OPCML: variants seen among roughly 807,000 people sequenced by gnomAD.
OPCML encodes opioid binding protein/cell adhesion molecule like.
In OPCML, 13 loss-of-function variants were observed where a neutral mutation model predicts 37.8. The ratio of observed to expected loss-of-function variants is 0.34; its 90% CI spans 0.22 to 0.55. The LOEUF (loss-of-function observed/expected upper bound fraction) is 0.55. Ranked by LOEUF, OPCML falls within the 20% of genes least tolerant of loss-of-function variation. OPCML has a pLI of 0.91. For synonymous variants in OPCML, 176 were observed against 168.8 expected (o/e 1.04, Z -0.33); for missense variants, 341 against 435.6 (o/e 0.78, Z 1.93).
intron 2 of OPCML, among the ~76,000 whole-genome samples, chr11:132,715,894 A>C (rs1452627051): frequency 6.6e-6 from 1 of 152,230 alleles, no homozygotes; most frequent in Admixed American, 6.5e-5. Context: ...AGGTAGAAGC[A>C]TGTGAAGTGG....
intron 1 of OPCML, among the ~76,000 whole-genome samples, chr11:133,488,650 A>C (rs950519591): frequency 6.6e-6 from 1 of 152,218 alleles, no homozygotes; most frequent in Non-Finnish European, 1.5e-5. Flanking sequence ...ATTACTGACC[A>C]AAGCAATCTA....
At position 132,420,272 on chromosome 11, in the gene OPCML, C is replaced by A; in HGVS notation, c.938G>T (p.Gly313Val). 2.5e-6 allele frequency: 4 copies of A among 1,613,804 alleles called. No individual in the cohort carries two copies. Among genetic ancestry groups the A allele is most frequent in the Non-Finnish European group, 3.4e-6 (4 of 1,179,818 alleles). ...TLYGPGAVID[G>V]VNSASRALAC... is the part of the protein sequence containing the mutation. ...CAGTGCTCTGGAGGCCGAGTTTACACCATCAATGACTGCTCCAGGCCCTGT... is the reference window on the plus strand; with the variant it reads ...CAGTGCTCTGGAGGCCGAGTTTACAACATCAATGACTGCTCCAGGCCCTGT... Residue 313 changes from glycine to valine, a missense_variant, in exon 8 of 8, where the codon GGT becomes GTT. Physicochemically the swap from Gly to Val is moderately radical, Grantham distance 109. Transcript: ENST00000524381.
intron 1 of OPCML, among the ~76,000 whole-genome samples, chr11:133,076,552 G>A (rs1163325056): frequency 3.9e-5 from 6 of 152,154 alleles, no homozygotes; most frequent in South Asian, 2.1e-4. Flanking sequence ...TCATGCAAAC[G>A]CAAGCGGCGG....
At position 132,717,976 on chromosome 11, in the gene OPCML, C is replaced by G. The variant is rs943838724; in HGVS notation, c.147-60657G>C. Among the ~76,000 whole-genome samples, 3 of 152,330 alleles carry G rather than the reference C, an allele frequency of 2.0e-5. No homozygotes were observed. In the East Asian group the frequency reaches 5.8e-4, roughly 29 times the overall value. ...ACTGAAGAGTAATCCTGTGGTTCTT[C>G]CTGCATTCTGCACAGGGTGCAGGAA... On this transcript the variant is annotated intron_variant, in intron 2 of 7. Coordinates refer to ENST00000524381, the MANE Select transcript of OPCML (RefSeq NM_001012393.5).
intron 1 of OPCML, among the ~76,000 whole-genome samples, chr11:133,150,715 CTCTTT>C (rs777333187): frequency 1.3e-5 from 2 of 152,116 alleles, no homozygotes; most frequent in Non-Finnish European, 2.9e-5. Context: ...TTCCTCCTCT[CTCTTT>C]TCTTTCCCCA....
intron 2 of OPCML, among the ~76,000 whole-genome samples, chr11:132,820,090 TGAATGAATGAATGAAA>T (rs2136245574): frequency 2.2e-5 from 1 of 45,692 alleles, no homozygotes; most frequent in South Asian, 6.6e-4. Context: ...AATGAATGAA[TGAATGAATGAATGAAA>T]GAAACCAGAA....
At chr11:133,155,719 C>A (rs1950051717) in intron 1 of OPCML, among the ~76,000 whole-genome samples, 1 of 152,188 alleles carries the variant, frequency 6.6e-6, no homozygotes, top group South Asian at 2.1e-4. Flanking sequence ...GCCTACTTGA[C>A]ATCTCCGCAG....
At chr11:132,638,179 A>ATATATATATATATATATC (rs1940635571) in intron 3 of OPCML, among the ~76,000 whole-genome samples, 3 of 146,802 alleles carry the variant, frequency 2.0e-5, no homozygotes, top group South Asian at 4.4e-4. Flanking sequence ...ATATATATAT[A>ATATATATATATATATATC]TATATATACA....
chr11:133,245,626 C>A (rs1337843496), intron 1 of OPCML, among the ~76,000 whole-genome samples: 2 of 152,186 alleles, frequency 1.3e-5, no homozygotes, highest in Non-Finnish European at 2.9e-5. Flanking sequence ...GGTGGTAGAG[C>A]ACCCATTCAT....
At chr11:133,102,748 TCAAAAACA>T (rs998598060) in intron 1 of OPCML, among the ~76,000 whole-genome samples, 11 of 152,042 alleles carry the variant, frequency 7.2e-5, no homozygotes, top group Admixed American at 5.9e-4. Context: ...AGACTCCATC[TCAAAAACA>T]CAAAAACAAA....
intron 4 of OPCML, among the ~76,000 whole-genome samples, chr11:132,511,558 T>C (rs372404714): frequency 7.2e-5 from 11 of 152,112 alleles, no homozygotes; most frequent in South Asian, 2.1e-4. Context: ...GGCATAAGAA[T>C]AGACATATAG....
At position 133,055,410 on chromosome 11, in the gene OPCML, T is replaced by A. The variant is rs535742826; in HGVS notation, c.62-112400A>T. The stretch of plus-strand genomic sequence containing the variant: ...GGTGAGACCCCATGAGGGAGACGCC[T>A]CTACCGTATAATGCTGCCTCTATGA... On this transcript the variant is annotated intron_variant, in intron 1 of 7. Transcript: ENST00000524381. Among the ~76,000 whole-genome samples, 5 of 148,498 alleles carry A rather than the reference T, an allele frequency of 3.4e-5. No individual in the cohort carries two copies. In the East Asian group the frequency reaches 1.0e-3, roughly 31 times the overall value.
intron 1 of OPCML, chr11:133,025,510 C>G (rs1947535755): frequency 1.0e-6 from 1 of 981,216 alleles, no homozygotes; most frequent in Non-Finnish European, 1.2e-6. Context: ...CTCAGGAACA[C>G]TGGATTCTTC....
chr11:133,441,308 A>G (rs1455439062), intron 1 of OPCML, among the ~76,000 whole-genome samples: 1 of 152,110 alleles, frequency 6.6e-6, no homozygotes, highest in Non-Finnish European at 1.5e-5. Flanking sequence ...ATCACATGAA[A>G]AAAAAGCCTA....
intron 3 of OPCML, among the ~76,000 whole-genome samples, chr11:132,627,549 G>T (rs1028335004): frequency 6.7e-6 from 1 of 149,584 alleles, no homozygotes; most frequent in Non-Finnish European, 1.5e-5. Context: ...AGATGCAGTT[G>T]TGTTCTAACA....
At chr11:133,003,720 C>A in intron 1 of OPCML, 1 of 985,428 alleles carries the variant, frequency 1.0e-6, no homozygotes, top group Non-Finnish European at 1.2e-6. Flanking sequence ...GTCCCTACTT[C>A]TTGAATATCT....
chr11:133,346,676 A>G (rs1944009524), intron 1 of OPCML, among the ~76,000 whole-genome samples: 1 of 152,184 alleles, frequency 6.6e-6, no homozygotes, highest in Non-Finnish European at 1.5e-5. Context: ...TCAAGACAAA[A>G]TGGTGGCAGT....
At chr11:132,657,807 C>T (rs1413529901) in intron 2 of OPCML, among the ~76,000 whole-genome samples, 1 of 152,160 alleles carries the variant, frequency 6.6e-6, no homozygotes, top group Non-Finnish European at 1.5e-5. Flanking sequence ...TCCTTATACC[C>T]CTAAGCAGCC....
chr11:133,248,602 C>T (rs546223099), intron 1 of OPCML, among the ~76,000 whole-genome samples: 8 of 152,268 alleles, frequency 5.3e-5, no homozygotes, highest in South Asian at 4.1e-4. Context: ...GCTATGATGG[C>T]GTGGCTGCTC....
Sources: allele counts gnomAD v4.1 joint callset (sites outside exome capture counted in the v4.1 genomes callset), GRCh38; gene constraint gnomAD v4.1.1; transcripts MANE v1.5; gene names NCBI Gene and HGNC (gene_info 2026-07-23, HGNC 2026-07-21).